Variants in NTRK2 observed in about 807,000 individuals in gnomAD.
NTRK2 encodes neurotrophic receptor tyrosine kinase 2.
Under a neutral mutation model 94.5 loss-of-function variants are expected in NTRK2, and 13 were observed. The observed-to-expected ratio is 0.14, with a 90% CI of 0.09 to 0.22. The LOEUF (loss-of-function observed/expected upper bound fraction) is 0.22, where lower values mean the gene tolerates loss of function less well. Ranked by LOEUF, NTRK2 falls within the 10% of genes least tolerant of loss-of-function variation. The pLI is 1.00. For synonymous variants in NTRK2, 372 were observed against 407.4 expected (o/e 0.91, Z 1.05); for missense variants, 639 against 1,071.2 (o/e 0.60, Z 5.63).
intron 17 of NTRK2, among the ~76,000 whole-genome samples, chr9:84,979,259 A>C (rs1330789679): frequency 6.6e-6 from 1 of 152,242 alleles, no homozygotes; most frequent in African/African-American, 2.4e-5. Flanking sequence ...AGCCATTAAG[A>C]ACATTCATGA....
At chr9:84,891,411 A>T (rs999166346) in intron 14 of NTRK2, among the ~76,000 whole-genome samples, 1 of 152,086 alleles carries the variant, frequency 6.6e-6, no homozygotes, top group Non-Finnish European at 1.5e-5. Flanking sequence ...AGTGCACTAC[A>T]ACATGGGAAT....
intron 12 of NTRK2, among the ~76,000 whole-genome samples, chr9:84,755,525 CTTTTTTTTTTTTTTT>C (rs745611460): frequency 1.6e-5 from 1 of 60,644 alleles, no homozygotes; most frequent in African/African-American, 7.0e-5. Context: ...AGTCCCACCT[CTTTTTTTTTTTTTTT>C]TTTTTTTTTT....
intron 9 of NTRK2, among the ~76,000 whole-genome samples, chr9:84,729,784 G>A (rs554959230): frequency 2.6e-5 from 4 of 152,338 alleles, no homozygotes; most frequent in South Asian, 4.1e-4. Flanking sequence ...GTGAAAAGCT[G>A]TCAGAAGTGG....
At chr9:84,938,685 G>C (rs2078292533) in intron 15 of NTRK2, among the ~76,000 whole-genome samples, 1 of 152,112 alleles carries the variant, frequency 6.6e-6, no homozygotes, top group South Asian at 2.1e-4. Context: ...AATGCTTGTT[G>C]AATGAATGAA....
At chr9:84,682,816 T>C (rs1243641642) in intron 2 of NTRK2, among the ~76,000 whole-genome samples, 1 of 152,226 alleles carries the variant, frequency 6.6e-6, no homozygotes, top group Non-Finnish European at 1.5e-5. Flanking sequence ...CACTTGACGA[T>C]GTATCTTAAA....
At chr9:84,683,981 G>A (rs2059552555) in intron 2 of NTRK2, among the ~76,000 whole-genome samples, 1 of 152,096 alleles carries the variant, frequency 6.6e-6, no homozygotes, top group East Asian at 1.9e-4. Flanking sequence ...CTGTTTGTTG[G>A]CCACATAAAC....
chr9:84,766,880 C>A (rs1234066889), intron 12 of NTRK2, among the ~76,000 whole-genome samples: 1 of 152,136 alleles, frequency 6.6e-6, no homozygotes, highest in African/African-American at 2.4e-5. Flanking sequence ...TCGACACACA[C>A]ATACACACAA....
At chr9:84,823,211 A>C (rs551518713) in intron 12 of NTRK2, among the ~76,000 whole-genome samples, 1 of 152,328 alleles carries the variant, frequency 6.6e-6, no homozygotes, top group East Asian at 1.9e-4. Flanking sequence ...ATCTGAAACT[A>C]AGACCTGTTT....
chr9:84,714,323 A>G (rs1205230410), intron 6 of NTRK2, among the ~76,000 whole-genome samples: 1 of 152,082 alleles, frequency 6.6e-6, no homozygotes, highest in Non-Finnish European at 1.5e-5. Flanking sequence ...AAGCCTCACT[A>G]TTTTGTGAAG....
At chr9:84,798,025 A>G (rs1421537546) in intron 12 of NTRK2, among the ~76,000 whole-genome samples, 1 of 149,716 alleles carries the variant, frequency 6.7e-6, no homozygotes, top group East Asian at 2.0e-4. Flanking sequence ...CGCTATAACA[A>G]AGTATCACAG....
chr9:84,796,993 AT>A (rs1402501084), intron 12 of NTRK2, among the ~76,000 whole-genome samples: 1 of 152,158 alleles, frequency 6.6e-6, no homozygotes, highest in Non-Finnish European at 1.5e-5. Context: ...CTTTAAATAT[AT>A]TTCCTAACTT....
At chr9:84,809,376 T>C (rs1245164671) in intron 12 of NTRK2, among the ~76,000 whole-genome samples, 6 of 149,274 alleles carry the variant, frequency 4.0e-5, no homozygotes, top group Non-Finnish European at 3.0e-5. Context: ...GATTACTTAA[T>C]GTTAGATATT....
At chr9:84,715,870 AATGGG>A in intron 6 of NTRK2, among the ~76,000 whole-genome samples, 1 of 152,302 alleles carries the variant, frequency 6.6e-6, no homozygotes, top group South Asian at 2.1e-4. Context: ...CCCCTGGCAT[AATGGG>A]ATTATTAAGG....
chr9:84,767,246 A>AACTC (rs1279514218), intron 12 of NTRK2, among the ~76,000 whole-genome samples: 1 of 152,192 alleles, frequency 6.6e-6, no homozygotes, highest in East Asian at 1.9e-4. Flanking sequence ...TGACACTGAA[A>AACTC]ACTCAGCTGA....
At chr9:84,705,545 C>T (rs559491450) in intron 4 of NTRK2, among the ~76,000 whole-genome samples, 1 of 152,306 alleles carries the variant, frequency 6.6e-6, no homozygotes, top group South Asian at 2.1e-4. Context: ...ACAGAGGCAG[C>T]AGCTCTGCGG....
chr9:84,866,417 G>A (rs2075597629), intron 13 of NTRK2, among the ~76,000 whole-genome samples: 1 of 152,182 alleles, frequency 6.6e-6, no homozygotes, highest in South Asian at 2.1e-4. Flanking sequence ...AAGAAAGTAA[G>A]TGACTTGTCC....
At chr9:84,822,324 C>A (rs1228558433) in intron 12 of NTRK2, among the ~76,000 whole-genome samples, 1 of 152,112 alleles carries the variant, frequency 6.6e-6, no homozygotes, top group African/African-American at 2.4e-5. Flanking sequence ...CCTCAAAGCC[C>A]ACTCATCTTA....
chr9:84,776,881 A>G (rs2067100083), intron 12 of NTRK2, among the ~76,000 whole-genome samples: 1 of 152,216 alleles, frequency 6.6e-6, no homozygotes, highest in African/African-American at 2.4e-5. Context: ...AAGGCTGTTC[A>G]CTATACAAAC....
At chr9:84,963,789 G>GT (rs1378881318) in intron 17 of NTRK2, among the ~76,000 whole-genome samples, 6 of 152,046 alleles carry the variant, frequency 3.9e-5, no homozygotes, top group African/African-American at 1.2e-4. Flanking sequence ...TTTGAATTCT[G>GT]TTTTTTCTGT....
Sources: allele counts gnomAD v4.1 joint callset (sites outside exome capture counted in the v4.1 genomes callset), GRCh38; gene constraint gnomAD v4.1.1; transcripts MANE v1.5; gene names NCBI Gene and HGNC (gene_info 2026-07-23, HGNC 2026-07-21).